The following ZNF578 variants were observed in gnomAD, a reference collection of about 807,000 sequenced individuals.
ZNF578 encodes zinc finger protein 578, also known as Putative chemokine-related protein B42.
Under a neutral mutation model 8.3 loss-of-function variants are expected in ZNF578, and 8 were observed. The ratio of observed to expected loss-of-function variants is 0.96; its 90% CI spans 0.56 to 1.74. The LOEUF (loss-of-function observed/expected upper bound fraction) is 1.74. ZNF578 is among the 40% of genes most tolerant of loss of function. The pLI is 0.00. For synonymous variants in ZNF578, 206 were observed against 232.2 expected (o/e 0.89, Z 1.03); for missense variants, 726 against 707.5 (o/e 1.03, Z -0.30).
chr19:52,472,450 CTGATA>C (rs2059294949), intron 2 of ZNF578, among the ~76,000 whole-genome samples: 1 of 152,174 alleles, frequency 6.6e-6, no homozygotes, highest in Non-Finnish European at 1.5e-5. Flanking sequence ...ACTCTCTACT[CTGATA>C]TAACTGTTCT....
In ZNF578 at chr19:52,512,956, G is replaced by A. The variant is rs1484231686; in HGVS notation, c.*802G>A. On this transcript the variant is annotated 3_prime_UTR_variant, in exon 6 of 6. Coordinates refer to ENST00000421239, the MANE Select transcript of ZNF578 (RefSeq NM_001099694.2). ...GCACATTGGGAGGCCAAGGCACATA[G>A]GTCACTTGAGGTCAAGAGTTTGAAA... 1.3e-5 allele frequency among the ~76,000 whole-genome samples: 2 copies of A among 152,124 alleles called. No individual in the cohort carries two copies. Among genetic ancestry groups the A allele is most frequent in the Admixed American group, 6.6e-5 (1 of 15,264 alleles).
intron 2 of ZNF578, among the ~76,000 whole-genome samples, chr19:52,460,677 C>T (rs373498603): frequency 2.6e-5 from 4 of 152,018 alleles, no homozygotes; most frequent in Non-Finnish European, 4.4e-5. Flanking sequence ...GCTTTTCTTG[C>T]GTGTGCTTTT....
chr19:52,469,157 GT>G (rs1325423361), intron 2 of ZNF578, among the ~76,000 whole-genome samples: 1 of 32,896 alleles, frequency 3.0e-5, no homozygotes, highest in Non-Finnish European at 1.2e-4. Context: ...ACCTGGAGTG[GT>G]TTTTTTTTGT....
In ZNF578 at chr19:52,516,033, A is replaced by C. The variant is rs1050826792; in HGVS notation, c.*3879A>C. Among the ~76,000 whole-genome samples the C allele has an allele frequency of 6.6e-6, 1 of 151,908 alleles. No homozygotes were observed. On this transcript the variant is annotated 3_prime_UTR_variant, in exon 6 of 6. Transcript: ENST00000421239. ...TGCCAGTGTCCAGCCTCCTCCTGGC[A>C]GCTTGCCCTCATCTCATGACTCCCT...
At position 52,505,868 on chromosome 19, in the gene ZNF578, A is replaced by G. The variant is rs926495345; in HGVS notation, c.190+1087A>G. Among the ~76,000 whole-genome samples, 16 of 151,432 alleles carry G rather than the reference A, an allele frequency of 1.1e-4. No individual in the cohort carries two copies. In the Middle Eastern group the frequency reaches 0.01, roughly 98 times the overall value. ...GTTTAGTTCTACTGTCATTTCCTTC[A>G]GACACAGTGGCTTTCAACTTGTTAG... On this transcript the variant is annotated intron_variant, in intron 5 of 5. Transcript: ENST00000421239.
intron 4 of ZNF578, among the ~76,000 whole-genome samples, chr19:52,503,925 G>C (rs903961484): frequency 6.6e-6 from 1 of 151,294 alleles, no homozygotes; most frequent in Admixed American, 6.6e-5. Context: ...AGCCTCTTGA[G>C]TAGCTGGGAG....
At chr19:52,476,275 A>C (rs2059308096) in intron 2 of ZNF578, among the ~76,000 whole-genome samples, 1 of 152,180 alleles carries the variant, frequency 6.6e-6, no homozygotes, top group Non-Finnish European at 1.5e-5. Context: ...TTGAGATAAC[A>C]AACACTGGTG....
In ZNF578 at chr19:52,513,337, CTTTTTTT is replaced by C. The variant is rs11318311; in HGVS notation, c.*1201_*1207del. On this transcript the variant is annotated 3_prime_UTR_variant, in exon 6 of 6. Coordinates refer to ENST00000421239, the MANE Select transcript of ZNF578 (RefSeq NM_001099694.2). ...GCGCCTGGCATTGTTTCTTCTTTTC[CTTTTTTT>C]TTTTTTTTTTTTTTTTTGAGATAGT... Among the ~76,000 whole-genome samples, 45 of 101,364 alleles carry C rather than the reference CTTTTTTT, an allele frequency of 4.4e-4. No homozygotes were observed. The highest frequency in any genetic ancestry group is 1.1e-3 in the South Asian group (3 of 2,620). The allele number at this position is 101,364 out of a possible 152,430, so 66.5% of individuals were successfully genotyped here.
At chr19:52,472,173 C>G (rs141491726) in intron 2 of ZNF578, among the ~76,000 whole-genome samples, 1 of 152,112 alleles carries the variant, frequency 6.6e-6, no homozygotes, top group South Asian at 2.1e-4. Context: ...GGTAGATCAC[C>G]TGAGGCCATG....
chr19:52,506,180 T>A (rs1319610959), intron 5 of ZNF578, among the ~76,000 whole-genome samples: 1 of 152,186 alleles, frequency 6.6e-6, no homozygotes, highest in Non-Finnish European at 1.5e-5. Context: ...ATTACAGTCA[T>A]GAGCCACCAC....
At chr19:52,468,717 C>T (rs1171189814) in intron 2 of ZNF578, among the ~76,000 whole-genome samples, 1 of 152,170 alleles carries the variant, frequency 6.6e-6, no homozygotes, top group Non-Finnish European at 1.5e-5. Context: ...TGGGCACCAT[C>T]CGATTGGCTG....
At chr19:52,496,108 C>T (rs1331293762) in intron 3 of ZNF578, among the ~76,000 whole-genome samples, 1 of 151,868 alleles carries the variant, frequency 6.6e-6, no homozygotes, top group Non-Finnish European at 1.5e-5. Context: ...TAACCTCTGC[C>T]TCCCGGGTTC....
chr19:52,510,508 C>T, intron 5 of ZNF578, 64 bp from the exon 6 acceptor site: 1 of 1,439,250 alleles, frequency 6.9e-7, no homozygotes, highest in South Asian at 1.9e-5. Flanking sequence ...GTCATATTTA[C>T]ACACTTCAGT....
intron 2 of ZNF578, among the ~76,000 whole-genome samples, chr19:52,481,285 C>A (rs2059325531): frequency 6.6e-6 from 1 of 152,184 alleles, no homozygotes. Flanking sequence ...GTCCTCCTAT[C>A]CCTGTGTATG....
At chr19:52,484,172 TATACATAA>T (rs535958154) in intron 2 of ZNF578, among the ~76,000 whole-genome samples, 2 of 152,348 alleles carry the variant, frequency 1.3e-5, no homozygotes, top group South Asian at 4.1e-4. Context: ...TTGATGTGCA[TATACATAA>T]ACACCTCAAT....
At chr19:52,507,650 C>G (rs1373383758) in intron 5 of ZNF578, among the ~76,000 whole-genome samples, 3 of 152,228 alleles carry the variant, frequency 2.0e-5, no homozygotes, top group African/African-American at 7.2e-5. Context: ...TAGATTGGCT[C>G]CTGGTGAGAG....
intron 2 of ZNF578, among the ~76,000 whole-genome samples, chr19:52,462,577 C>T (rs111727755): frequency 4.6e-5 from 7 of 152,170 alleles, no homozygotes; most frequent in African/African-American, 9.7e-5. Context: ...ATCATAGCCA[C>T]GATGAGGTTA....
At chr19:52,506,824 G>T (rs1489427471) in intron 5 of ZNF578, among the ~76,000 whole-genome samples, 1 of 152,182 alleles carries the variant, frequency 6.6e-6, no homozygotes, top group Non-Finnish European at 1.5e-5. Flanking sequence ...AATATTATTA[G>T]ATGGCTTCAT....
At chr19:52,472,659 T>G (rs2059295685) in intron 2 of ZNF578, among the ~76,000 whole-genome samples, 1 of 152,198 alleles carries the variant, frequency 6.6e-6, no homozygotes, top group Non-Finnish European at 1.5e-5. Context: ...TTGAGGTTAT[T>G]TGGTAGAGCA....
Sources: allele counts gnomAD v4.1 joint callset (sites outside exome capture counted in the v4.1 genomes callset), GRCh38; gene constraint gnomAD v4.1.1; transcripts MANE v1.5; gene names NCBI Gene and HGNC (gene_info 2026-07-23, HGNC 2026-07-21).